The following ADAM22 variants were observed in gnomAD, a reference collection of about 807,000 sequenced individuals.
ADAM22 encodes ADAM metallopeptidase domain 22, also known as disintegrin and metalloproteinase domain-containing protein 22.
ADAM22 carries 65 observed loss-of-function variants against 144.6 expected under a neutral mutation model. That is an observed-to-expected ratio of 0.45 (90% CI 0.37 to 0.55). ADAM22 has a LOEUF of 0.55. Ranked by LOEUF, ADAM22 falls within the 20% of genes least tolerant of loss-of-function variation. ADAM22 has a pLI of 0.00. For synonymous variants in ADAM22, 391 were observed against 412.6 expected (o/e 0.95, Z 0.63); for missense variants, 974 against 1,184.9 (o/e 0.82, Z 2.61).
intron 3 of ADAM22, among the ~76,000 whole-genome samples, chr7:87,991,765 A>C (rs1789957531): frequency 6.6e-6 from 1 of 152,220 alleles, no homozygotes; most frequent in Admixed American, 6.5e-5. Context: ...CATATTAATT[A>C]AATTGAGTGA....
intron 3 of ADAM22, among the ~76,000 whole-genome samples, chr7:88,049,282 C>A (rs982685941): frequency 6.6e-6 from 1 of 152,190 alleles, no homozygotes. Flanking sequence ...AAATTGAAGT[C>A]CATGTAGGGT....
intron 26 of ADAM22, among the ~76,000 whole-genome samples, chr7:88,172,170 C>T (rs930204437): frequency 6.6e-6 from 1 of 151,832 alleles, no homozygotes; most frequent in Non-Finnish European, 1.5e-5. Flanking sequence ...GAAAGTCAGA[C>T]ACCCTGTATA....
intron 4 of ADAM22, among the ~76,000 whole-genome samples, chr7:88,103,119 A>G (rs1823408071): frequency 6.6e-6 from 1 of 152,112 alleles, no homozygotes; most frequent in African/African-American, 2.4e-5. Flanking sequence ...GTCATTTATG[A>G]GAAGGGAATT....
At chr7:88,038,051 T>C (rs190349248) in intron 3 of ADAM22, among the ~76,000 whole-genome samples, 1 of 152,312 alleles carries the variant, frequency 6.6e-6, no homozygotes, top group East Asian at 1.9e-4. Flanking sequence ...AGCTACTTGA[T>C]TGTAAGTGTT....
chr7:88,007,140 C>T (rs1249198150), intron 3 of ADAM22, among the ~76,000 whole-genome samples: 1 of 152,154 alleles, frequency 6.6e-6, no homozygotes, highest in African/African-American at 2.4e-5. Flanking sequence ...AGTGAACTCC[C>T]ATTTACAATT....
chr7:88,026,364 T>C (rs1799028889), intron 3 of ADAM22, among the ~76,000 whole-genome samples: 2 of 152,152 alleles, frequency 1.3e-5, no homozygotes, highest in South Asian at 4.1e-4. Flanking sequence ...AACAACGAGA[T>C]GTCACAATAA....
At chr7:88,155,730 G>T (rs940366316) in intron 21 of ADAM22, among the ~76,000 whole-genome samples, 157 bp from the exon 22 acceptor site, 5 of 152,112 alleles carry the variant, frequency 3.3e-5, no homozygotes, top group Admixed American at 3.3e-4. Context: ...TTTAGAGCAG[G>T]TGGCACACTA....
intron 26 of ADAM22, among the ~76,000 whole-genome samples, chr7:88,175,070 T>C (rs1281880367): frequency 6.6e-6 from 1 of 152,144 alleles, no homozygotes; most frequent in African/African-American, 2.4e-5. Flanking sequence ...AATGGTTTTT[T>C]CCTCCAACAT....
intron 2 of ADAM22, among the ~76,000 whole-genome samples, chr7:87,956,486 T>A (rs2129444383): frequency 6.6e-6 from 1 of 152,362 alleles, no homozygotes; most frequent in Non-Finnish European, 1.5e-5. Context: ...TTAACCCATT[T>A]AAAAATGGTA....
intron 3 of ADAM22, among the ~76,000 whole-genome samples, chr7:88,051,292 G>A (rs1806265795): frequency 6.6e-6 from 1 of 152,136 alleles, no homozygotes; most frequent in South Asian, 2.1e-4. Flanking sequence ...CAAAGACTTG[G>A]AACCAACCTA....
In ADAM22 at chr7:88,108,155, A is replaced by G. The variant is rs554753175; in HGVS notation, c.391-21A>G. 19 of 1,603,154 alleles carry G rather than the reference A, an allele frequency of 1.2e-5. No individual in the cohort carries two copies. In the African/African-American group the frequency reaches 2.1e-4, roughly 18 times the overall value. ...TTCTCCTTGTGATGCAAAGACTTAC[A>G]TTCTTTATTTCTGTTTTCAGGGAGG... On this transcript the variant is annotated intron_variant, in intron 4 of 31. Transcript: ENST00000413139.
At chr7:88,136,920 G>A (rs1586067275) in intron 14 of ADAM22, among the ~76,000 whole-genome samples, 1 of 152,024 alleles carries the variant, frequency 6.6e-6, no homozygotes, top group African/African-American at 2.4e-5. Context: ...CATTAAAAAT[G>A]TATGAAGAAT....
rs150686995 is a variant in ADAM22 at position 87,961,841 on chromosome 7, A to C, written c.247-16495A>C. Among the ~76,000 whole-genome samples, 783 of 152,350 alleles carry C rather than the reference A, an allele frequency of 5.1e-3. 11 individuals are homozygous for C. Among genetic ancestry groups the C allele is most frequent in the African/African-American group, 0.018 (741 of 41,578 alleles). On this transcript the variant is annotated intron_variant, in intron 2 of 31. Transcript: ENST00000413139. Reference sequence around the variant, plus strand: ...AGATGATTCAGCATTGGAACAGACTATAAATGGGGGTTGAGGAACTGTCTC... The same window carrying C: ...AGATGATTCAGCATTGGAACAGACTCTAAATGGGGGTTGAGGAACTGTCTC...
intron 8 of ADAM22, among the ~76,000 whole-genome samples, chr7:88,127,872 G>C (rs1830807757): frequency 6.6e-6 from 1 of 152,000 alleles, no homozygotes; most frequent in Admixed American, 6.6e-5. Flanking sequence ...GAGAATAGCT[G>C]CCTTAGTGGC....
At chr7:88,185,577 G>A (rs1159407893) in intron 29 of ADAM22, among the ~76,000 whole-genome samples, 2 of 151,986 alleles carry the variant, frequency 1.3e-5, no homozygotes, top group African/African-American at 4.8e-5. Flanking sequence ...AAAAAAAAAT[G>A]AAAAGTAAAA....
chr7:88,180,828 C>A (rs2373483), intron 27 of ADAM22, among the ~76,000 whole-genome samples: 20,297 of 151,926 alleles, frequency 0.13, 1,964 homozygotes, highest in East Asian at 0.48. Context: ...TCTTTTAGAT[C>A]ATTCATTTAA....
chr7:87,967,860 T>C (rs1309491321), intron 2 of ADAM22, among the ~76,000 whole-genome samples: 3 of 146,422 alleles, frequency 2.0e-5, no homozygotes, highest in Admixed American at 6.8e-5. Flanking sequence ...TGTGACAAAG[T>C]GTGCCAAGGT....
chr7:88,050,216 T>TACTAAAAAAA (rs1805837733), intron 3 of ADAM22, among the ~76,000 whole-genome samples: 1 of 131,494 alleles, frequency 7.6e-6, no homozygotes, highest in Non-Finnish European at 1.6e-5. Flanking sequence ...AGCCTCCATC[T>TACTAAAAAAA]CTACTAAAAA....
intron 26 of ADAM22, 75 bp downstream of exon 26, chr7:88,171,636 C>T: frequency 3.9e-6 from 5 of 1,289,744 alleles, no homozygotes; most frequent in Non-Finnish European, 5.3e-6. Context: ...TTCATACATG[C>T]AATTATAATT....
Sources: gnomAD v4.1 joint callset for allele counts (sites outside exome capture counted in the v4.1 genomes callset) on GRCh38, gnomAD v4.1.1 for gene constraint, MANE v1.5 for transcripts, NCBI Gene and HGNC (gene_info 2026-07-23, HGNC 2026-07-21) for gene names.